Variants in SMC5 observed in about 807,000 individuals in gnomAD.
SMC5 encodes structural maintenance of chromosomes 5.
Under a neutral mutation model 148.3 loss-of-function variants are expected in SMC5, and 88 were observed. The observed-to-expected ratio is 0.59, with a 90% CI of 0.50 to 0.71. The LOEUF is 0.71. Ranked by LOEUF, SMC5 falls within the 30% of genes least tolerant of loss-of-function variation. The probability of loss-of-function intolerance (pLI) is 0.00; values close to 1 mark genes in which losing one functional copy is unlikely to be tolerated. For missense variants in SMC5, 1,142 were observed against 1,298.9 expected (o/e 0.88, Z 1.86); for synonymous variants, 421 against 432.8 (o/e 0.97, Z 0.34).
rs540949691 is a variant in SMC5 at position 70,281,547 on chromosome 9, TA to T, written c.819+651del. The stretch of plus-strand genomic sequence containing the variant: ...AATTTATTAAGACTACAGTTCGGGT[TA>T]AAGATTCAATTCCCTCATTGCATTA... On this transcript the variant is annotated intron_variant, in intron 6 of 24. Coordinates refer to ENST00000361138, the MANE Select transcript of SMC5 (RefSeq NM_015110.4). 3.6e-3 allele frequency among the ~76,000 whole-genome samples: 556 copies of T among 152,336 alleles called. 2 individuals are homozygous for T. The highest frequency in any genetic ancestry group is 5.9e-3 in the Non-Finnish European group (400 of 68,026).
intron 11 of SMC5, among the ~76,000 whole-genome samples, chr9:70,313,581 G>T (rs757794208): frequency 2.0e-5 from 3 of 151,742 alleles, no homozygotes; most frequent in African/African-American, 2.4e-5. Flanking sequence ...AACTGCAACC[G>T]CTGCCTCCTG....
intron 7 of SMC5, 152 bp from the exon 8 acceptor site, chr9:70,286,048 A>G: frequency 1.6e-6 from 1 of 620,770 alleles, no homozygotes; most frequent in Non-Finnish European, 2.9e-6. Flanking sequence ...ATAGACTTGC[A>G]AATAACTGTT....
At chr9:70,314,910 T>G (rs1203508966) in intron 12 of SMC5, 74 bp downstream of exon 12, 4 of 960,996 alleles carry the variant, frequency 4.2e-6, no homozygotes, top group Non-Finnish European at 4.5e-6. Context: ...AATAAGCTAT[T>G]ACAAGCTGTA....
At chr9:70,293,734 T>C (rs2035126449) in intron 8 of SMC5, among the ~76,000 whole-genome samples, 1 of 152,174 alleles carries the variant, frequency 6.6e-6, no homozygotes, top group East Asian at 1.9e-4. Flanking sequence ...TTAGACTATT[T>C]CTAGTTTTGG....
chr9:70,309,737 C>A (rs1048909320), intron 11 of SMC5, among the ~76,000 whole-genome samples: 2 of 152,168 alleles, frequency 1.3e-5, no homozygotes, highest in Non-Finnish European at 2.9e-5. Context: ...CCACAGAAGT[C>A]GAACCTCTCA....
intron 3 of SMC5, among the ~76,000 whole-genome samples, chr9:70,276,808 G>A (rs756710460): frequency 5.9e-5 from 9 of 152,160 alleles, no homozygotes; most frequent in Admixed American, 1.3e-4. Context: ...TCTGAATTTA[G>A]AGTGGAGTAC....
intron 8 of SMC5, among the ~76,000 whole-genome samples, chr9:70,287,977 T>C (rs1392100794): frequency 2.0e-5 from 3 of 152,198 alleles, no homozygotes; most frequent in Non-Finnish European, 4.4e-5. Context: ...TATTAAACTT[T>C]CCATTTAGTG....
At chr9:70,290,690 G>T (rs2035033152) in intron 8 of SMC5, among the ~76,000 whole-genome samples, 1 of 151,980 alleles carries the variant, frequency 6.6e-6, no homozygotes, top group Non-Finnish European at 1.5e-5. Context: ...GTTTCTTTTA[G>T]TTCATTGAAC....
chr9:70,309,237 G>A (rs912167614), intron 11 of SMC5, among the ~76,000 whole-genome samples: 1 of 145,202 alleles, frequency 6.9e-6, no homozygotes, highest in South Asian at 2.3e-4. Context: ...TTACCACATT[G>A]ATCAACTCTT....
intron 12 of SMC5, 57 bp downstream of exon 12, chr9:70,314,893 T>G (rs1231832662): frequency 9.2e-7 from 1 of 1,084,206 alleles, no homozygotes; most frequent in Admixed American, 2.3e-5. Context: ...ACATTTATTG[T>G]TACATAAATA....
Position 70,318,636 on chromosome 9 carries a change from C to T in SMC5, c.1929C>T (p.Leu643=), listed in dbSNP as rs1425905924. Residue 643 remains leucine (L), a synonymous_variant, in exon 14 of 25, where the codon CTC becomes CTT. Coordinates refer to ENST00000361138, the MANE Select transcript of SMC5 (RefSeq NM_015110.4). ...SNTSLKVAQF[L]TVTVDLEQRR... is the part of the protein sequence containing the mutation. ...CATCTCTAAAAGTAGCGCAGTTTCT[C>T]ACTGTCACTGTGGACCTAGAGCAGA... The T allele has an allele frequency of 1.9e-6, 3 of 1,612,170 alleles. No individual in the cohort carries two copies. Among genetic ancestry groups the T allele is most frequent in the Non-Finnish European group, 2.5e-6 (3 of 1,179,072 alleles).
At position 70,268,604 on chromosome 9, in the gene SMC5, GT is replaced by G. The variant is rs886561370; in HGVS notation, c.380+642del. Among the ~76,000 whole-genome samples the G allele has an allele frequency of 5.3e-3, 753 of 142,010 alleles. 5 individuals are homozygous for G. The highest frequency in any genetic ancestry group is 0.015 in the African/African-American group (597 of 39,080). 93.2% of individuals were successfully genotyped at this position (142,010 alleles called of 152,430 possible). The stretch of plus-strand genomic sequence containing the variant: ...TTTTTCACAAATTTAAAGTATCTGG[GT>G]TTTTTTTTTTTTGCTGATCTTGAAA... On this transcript the variant is annotated intron_variant, in intron 3 of 24. Transcript: ENST00000361138.
chr9:70,278,655 G>A (rs530176687), intron 5 of SMC5, 30 bp downstream of exon 5: 1 of 1,570,892 alleles, frequency 6.4e-7, no homozygotes, highest in East Asian at 2.3e-5. Flanking sequence ...CATTTGTATT[G>A]TTTCTTATTG....
intron 13 of SMC5, 133 bp from the exon 14 acceptor site, chr9:70,318,381 C>G (rs984289080): frequency 1.2e-5 from 8 of 679,446 alleles, no homozygotes; most frequent in African/African-American, 1.1e-4. Flanking sequence ...GAGTGAGACC[C>G]TGTCTAAAAA....
At chr9:70,291,907 A>G (rs957248259) in intron 8 of SMC5, among the ~76,000 whole-genome samples, 2 of 151,964 alleles carry the variant, frequency 1.3e-5, no homozygotes, top group Non-Finnish European at 2.9e-5. Flanking sequence ...AGTGGCTGCT[A>G]GACTGCAGGT....
chr9:70,296,592 T>G (rs1256986504), intron 8 of SMC5, among the ~76,000 whole-genome samples: 2 of 152,024 alleles, frequency 1.3e-5, no homozygotes, highest in African/African-American at 4.8e-5. Context: ...ACATTAAGAT[T>G]ATAAGTTATT....
intron 1 of SMC5, among the ~76,000 whole-genome samples, chr9:70,263,954 G>C (rs1195810076): frequency 6.6e-6 from 1 of 152,146 alleles, no homozygotes; most frequent in African/African-American, 2.4e-5. Context: ...TTCAAGGTAA[G>C]CCGTGGCGTC....
At chr9:70,341,889 G>C (rs1223319309) in intron 17 of SMC5, among the ~76,000 whole-genome samples, 1 of 151,428 alleles carries the variant, frequency 6.6e-6, no homozygotes, top group Non-Finnish European at 1.5e-5. Context: ...CCATTACTGG[G>C]TATATACCCA....
rs755324108 is a variant in SMC5, at chr9:70,352,299, C to T, written c.3274C>T (p.Arg1092Trp). The change falls in exon 25 of 25, where the codon CGG (arginine) becomes TGG (tryptophan). Residue 1092 changes from arginine (R) to tryptophan (W), a missense_variant. Arg to Trp is a moderately radical substitution (Grantham distance 101). This residue lies in a region of SMC5 where 63 missense variants were observed against 65.7 expected (regional missense o/e 0.96). Coordinates refer to ENST00000361138, the MANE Select transcript of SMC5 (RefSeq NM_015110.4). ...GAATTTAAAGGCTTTCCAAAGGCGG[C>T]GGCGCCGTATTACATTCACTCAACC... is the stretch of plus-strand genomic sequence containing the variant. ...TWNLKAFQRR[R>W]RRITFTQPS The T allele has an allele frequency of 1.4e-5, 23 of 1,611,902 alleles. No homozygotes were observed. Among genetic ancestry groups the T allele is most frequent in the Middle Eastern group, 3.3e-4 (2 of 6,052 alleles).
Sources: allele counts gnomAD v4.1 joint callset (sites outside exome capture counted in the v4.1 genomes callset), GRCh38; gene constraint gnomAD v4.1.1; regional missense constraint gnomAD v4.1.1; transcripts MANE v1.5; gene names NCBI Gene and HGNC (gene_info 2026-07-23, HGNC 2026-07-21).